MACROD1: variants seen among roughly 807,000 people sequenced by gnomAD.
MACROD1 encodes the protein mono-ADP ribosylhydrolase 1.
Under a neutral mutation model 41.4 loss-of-function variants are expected in MACROD1, and 31 were observed. The observed-to-expected ratio is 0.75, with a 90% CI of 0.56 to 1.01. The LOEUF is 1.01. MACROD1 is among the 50% of genes least tolerant of loss of function. The pLI is 0.00. For missense variants in MACROD1, 473 were observed against 460.0 expected, an observed-to-expected ratio of 1.03 and a Z score of -0.26; for synonymous variants, 252 against 203.4, an observed-to-expected ratio of 1.24 and a Z score of -2.03.
intron 3 of MACROD1, among the ~76,000 whole-genome samples, chr11:64,047,695 G>A (rs149819565): frequency 6.6e-6 from 1 of 151,972 alleles, no homozygotes; most frequent in African/African-American, 2.4e-5. Context: ...TCAGGAGCTC[G>A]AGACCAGCCT....
In MACROD1 at chr11:64,067,623, G is replaced by T. The variant is rs192346344; in HGVS notation, c.518-52342C>A. On this transcript the variant is annotated intron_variant, in intron 3 of 10. Transcript: ENST00000255681. This position sits in a 1 kb window ranked among gnomAD's most constrained non-coding sequence, Gnocchi z 4.6. The stretch of plus-strand genomic sequence containing the variant: ...AGGTGGGTGACGCACCAACATGCCC[G>T]TGGCCTCCGGTGCACACACAGGGTC... Among the ~76,000 whole-genome samples the T allele has an allele frequency of 6.6e-6, 1 of 152,142 alleles. No homozygotes were observed. The highest frequency in any genetic ancestry group is 2.1e-4 in the South Asian group (1 of 4,820).
intron 3 of MACROD1, among the ~76,000 whole-genome samples, chr11:64,044,865 G>A (rs1021184168): frequency 6.6e-6 from 1 of 152,178 alleles, no homozygotes; most frequent in Non-Finnish European, 1.5e-5. Flanking sequence ...TCCCTGCCTG[G>A]ATTCTGCCTT....
intron 3 of MACROD1, among the ~76,000 whole-genome samples, chr11:64,041,473 C>G (rs1943486255): frequency 6.6e-6 from 1 of 151,614 alleles, no homozygotes; most frequent in Non-Finnish European, 1.5e-5. Context: ...GAGGAGAGCT[C>G]AGGGGAGTGA....
intron 3 of MACROD1, among the ~76,000 whole-genome samples, chr11:64,023,792 T>G (rs1943190190): frequency 6.6e-6 from 1 of 152,132 alleles, no homozygotes; most frequent in Non-Finnish European, 1.5e-5. Flanking sequence ...CCACGTCCAC[T>G]CCACTCTATA....
chr11:64,146,279 G>A lies in MACROD1; in HGVS notation c.517+4960C>T, dbSNP rs1217815714. On this transcript the variant is annotated intron_variant, in intron 3 of 10. Coordinates refer to ENST00000255681, the MANE Select transcript of MACROD1 (RefSeq NM_014067.4). The surrounding 1 kb of genome is among the most constrained non-coding windows in gnomAD (Gnocchi z 4.7). Reference sequence around the variant, plus strand: ...ACCCCCTAGTGGATACCCTGAGACCGGCGCTCTCCCCAGACACAGGACTGA... The same window carrying A: ...ACCCCCTAGTGGATACCCTGAGACCAGCGCTCTCCCCAGACACAGGACTGA... Among the ~76,000 whole-genome samples the A allele has an allele frequency of 1.3e-5, 2 of 152,122 alleles. No individual in the cohort carries two copies. The highest frequency in any genetic ancestry group is 2.9e-5 in the Non-Finnish European group (2 of 68,020).
rs760430902 is a variant in MACROD1 at position 64,034,506 on chromosome 11, A to AG, written c.518-19226dup. Among the ~76,000 whole-genome samples, 41 of 152,318 alleles carry AG rather than the reference A, an allele frequency of 2.7e-4. No homozygotes were observed. In the Middle Eastern group the frequency reaches 0.01, roughly 38 times the overall value. On this transcript the variant is annotated intron_variant, in intron 3 of 10. Transcript: ENST00000255681. Reference sequence around the variant, plus strand: ...TTAGAAGGGTGAAGTGAGGAGGGAGAGGCAGGAAGGGCAAAGACAGGCGCA... The same window carrying AG: ...TTAGAAGGGTGAAGTGAGGAGGGAGAGGGCAGGAAGGGCAAAGACAGGCGCA...
intron 3 of MACROD1, among the ~76,000 whole-genome samples, chr11:64,128,415 A>G (rs2186572): frequency 0.11 from 16,143 of 152,222 alleles, 1,098 homozygotes; most frequent in Non-Finnish European, 0.16. Context: ...TGGAGGAGTG[A>G]GGAATCTACG....
intron 3 of MACROD1, among the ~76,000 whole-genome samples, chr11:64,077,361 T>C (rs1944220698): frequency 1.3e-5 from 2 of 152,146 alleles, no homozygotes; most frequent in Admixed American, 6.5e-5. Context: ...TGTCTGGGAA[T>C]TGGGGGCCCC....
At chr11:64,015,329 C>T (rs778678460) in intron 3 of MACROD1, 48 bp from the exon 4 acceptor site, 11 of 1,566,722 alleles carry the variant, frequency 7.0e-6, no homozygotes, top group South Asian at 4.7e-5. Flanking sequence ...GGGGCTGCGG[C>T]GGGAGTATCA....
chr11:64,113,587 ATGGATGGATGGTTAGG>A (rs1453389343), intron 3 of MACROD1, among the ~76,000 whole-genome samples: 13 of 136,426 alleles, frequency 9.5e-5, no homozygotes, highest in African/African-American at 3.7e-4. Context: ...GATAGCATGG[ATGGATGGATGGTTAGG>A]TGGATGGATG....
intron 3 of MACROD1, among the ~76,000 whole-genome samples, chr11:64,147,366 G>A (rs1010165298): frequency 3.3e-5 from 5 of 150,300 alleles, no homozygotes; most frequent in Admixed American, 2.7e-4. Flanking sequence ...GCCACCGCCT[G>A]CAGCCTCAGA....
chr11:64,085,699 G>A (rs1565225599), intron 3 of MACROD1, among the ~76,000 whole-genome samples: 1 of 152,206 alleles, frequency 6.6e-6, no homozygotes, highest in Non-Finnish European at 1.5e-5. Context: ...GACAGGCCCA[G>A]GGGCAACCTT....
rs190124483 is a variant in MACROD1, at chr11:64,070,586, C to G, written c.518-55305G>C. Among the ~76,000 whole-genome samples, 5 of 152,316 alleles carry G rather than the reference C, an allele frequency of 3.3e-5. 1 individual carries two copies. Among genetic ancestry groups the G allele is most frequent in the African/African-American group, 4.8e-5 (2 of 41,582 alleles). On this transcript the variant is annotated intron_variant, in intron 3 of 10. Transcript: ENST00000255681. ...GTGGGATCCAGCCTCACCCTCCCCT[C>G]TCCCCCGGAGGGGCCCCCTTCCCAG...
intron 1 of MACROD1, among the ~76,000 whole-genome samples, chr11:64,159,555 G>T (rs1945721923): frequency 1.3e-5 from 2 of 151,676 alleles, no homozygotes; most frequent in African/African-American, 4.8e-5. Flanking sequence ...AGCACTTCAG[G>T]AGGCCAAGGC....
intron 3 of MACROD1, among the ~76,000 whole-genome samples, chr11:64,073,283 C>T: frequency 6.6e-6 from 1 of 152,210 alleles, no homozygotes; most frequent in East Asian, 1.9e-4. Context: ...CTGTGATCAA[C>T]CGGCTGTCAC....
chr11:64,157,865 G>A (rs1435516621), intron 1 of MACROD1, among the ~76,000 whole-genome samples: 2 of 152,176 alleles, frequency 1.3e-5, no homozygotes, highest in African/African-American at 2.4e-5. Flanking sequence ...TAGACTCGGT[G>A]GCAGGGGCAT....
intron 4 of MACROD1, among the ~76,000 whole-genome samples, chr11:64,012,405 C>CAT (rs1555007035): frequency 1.4e-5 from 2 of 146,390 alleles, no homozygotes; most frequent in Non-Finnish European, 3.0e-5. Flanking sequence ...ATTCAATAAA[C>CAT]TTTTTTTTTT....
intron 3 of MACROD1, among the ~76,000 whole-genome samples, chr11:64,069,957 T>A (rs1944076695): frequency 6.6e-6 from 1 of 151,776 alleles, no homozygotes; most frequent in Non-Finnish European, 1.5e-5. Context: ...CCCAGTGGGA[T>A]CAATGTCCCT....
intron 1 of MACROD1, among the ~76,000 whole-genome samples, chr11:64,154,086 G>C (rs1198839950): frequency 6.6e-6 from 1 of 152,118 alleles, no homozygotes; most frequent in African/African-American, 2.4e-5. Context: ...CTGTGGACAG[G>C]AAGTGTCCTT....
Sources: allele counts gnomAD v4.1 joint callset (sites outside exome capture counted in the v4.1 genomes callset), GRCh38; gene constraint gnomAD v4.1.1; non-coding constraint Gnocchi (gnomAD v3.1); transcripts MANE v1.5; gene names NCBI Gene and HGNC (gene_info 2026-07-23, HGNC 2026-07-21).